Variants in DIAPH2 observed in about 807,000 individuals in gnomAD.
DIAPH2 encodes the protein protein diaphanous homolog 2.
In DIAPH2, 35 loss-of-function variants were observed where a neutral mutation model predicts 92.7. The ratio of observed to expected loss-of-function variants is 0.38; its 90% CI spans 0.29 to 0.50. DIAPH2 has a LOEUF of 0.50. DIAPH2 is among the 20% of genes least tolerant of loss of function. The pLI is 0.94. For missense variants in DIAPH2, 701 were observed against 819.5 expected, an observed-to-expected ratio of 0.86 and a Z score of 1.77; for synonymous variants, 301 against 280.4, an observed-to-expected ratio of 1.07 and a Z score of -0.73.
chrX:97,388,195 CTG>C (rs759533915), intron 25 of DIAPH2, among the ~76,000 whole-genome samples: 2 of 111,692 alleles, frequency 1.8e-5, no homozygotes, highest in Non-Finnish European at 3.8e-5. Flanking sequence ...ACGGTAGGAT[CTG>C]TGTCAGACCT....
chrX:96,804,968 A>G (rs983118708), intron 4 of DIAPH2, among the ~76,000 whole-genome samples: 1 of 110,903 alleles, frequency 9.0e-6, no homozygotes, highest in Admixed American at 9.7e-5. Flanking sequence ...ATAAGGAATG[A>G]GGAGAGCCAC....
chrX:97,342,587 T>A (rs776473170), intron 23 of DIAPH2, among the ~76,000 whole-genome samples: 1 of 112,533 alleles, frequency 8.9e-6, no homozygotes, highest in Admixed American at 9.5e-5. Flanking sequence ...GATTTTCATT[T>A]CTTTTGTTAC....
chrX:97,250,976 A>G (rs1394065194), intron 23 of DIAPH2, among the ~76,000 whole-genome samples: 1 of 111,775 alleles, frequency 8.9e-6, no homozygotes, highest in Non-Finnish European at 1.9e-5. Context: ...CTCTCCTTTG[A>G]ATGGAGTTTC....
intron 22 of DIAPH2, among the ~76,000 whole-genome samples, chrX:97,156,453 A>G (rs1374227013): frequency 1.8e-5 from 2 of 112,463 alleles, no homozygotes; most frequent in Non-Finnish European, 3.7e-5. Flanking sequence ...AAAGACACAT[A>G]TTGCTTAGCC....
intron 19 of DIAPH2, among the ~76,000 whole-genome samples, chrX:97,095,396 G>T (rs1053837461): frequency 9.3e-6 from 1 of 107,846 alleles, no homozygotes; most frequent in East Asian, 2.9e-4. Context: ...GATTACAGGC[G>T]TGAGCCACCG....
At chrX:97,144,246 C>T (rs2067227680) in intron 22 of DIAPH2, among the ~76,000 whole-genome samples, 1 of 110,966 alleles carries the variant, frequency 9.0e-6, no homozygotes, top group African/African-American at 3.3e-5. Flanking sequence ...AAGAGCATTC[C>T]TCGAGCCCAG....
At chrX:97,230,558 T>C (rs1404068808) in intron 22 of DIAPH2, among the ~76,000 whole-genome samples, 1 of 111,670 alleles carries the variant, frequency 9.0e-6, no homozygotes, top group African/African-American at 3.3e-5. Flanking sequence ...CATTTGTATG[T>C]TTTGTTTTGT....
At chrX:96,901,689 C>G (rs1401553901) in intron 5 of DIAPH2, among the ~76,000 whole-genome samples, 2 of 108,198 alleles carry the variant, frequency 1.8e-5, no homozygotes, top group Non-Finnish European at 3.8e-5. Context: ...CATGCACCAC[C>G]ATGCCCAACT....
At chrX:97,175,043 A>G (rs984843344) in intron 22 of DIAPH2, among the ~76,000 whole-genome samples, 3 of 111,966 alleles carry the variant, frequency 2.7e-5, no homozygotes, top group Admixed American at 1.9e-4. Context: ...CCAGTGGATT[A>G]TAATTACCAT....
At chrX:96,974,994 C>G (rs1056471755) in intron 17 of DIAPH2, among the ~76,000 whole-genome samples, 2 of 111,314 alleles carry the variant, frequency 1.8e-5, no homozygotes, top group African/African-American at 6.5e-5. Flanking sequence ...GGAGGAAATA[C>G]AAGAAATAAA....
rs773210944 is a variant in DIAPH2 at position 97,599,261 on chromosome X, C to T, written c.3250C>T (p.Arg1084Ter). 2.5e-6 allele frequency: 3 copies of T among 1,189,679 alleles called. No individual in the cohort carries two copies. Among genetic ancestry groups the T allele is most frequent in the South Asian group, 1.8e-5 (1 of 54,992 alleles). ...TTCTGTTTGTCTTACAGATAACAGACGAGTACCTTTGGAAAGGTCACGCTC... is the reference window on the plus strand; with the variant it reads ...TTCTGTTTGTCTTACAGATAACAGATGAGTACCTTTGGAAAGGTCACGCTC... ...KRIPRNPDNRRVPLERSRSRH... is the reference protein window; with the variant it reads ...KRIPRNPDNR The change falls in exon 27 of 27, where the codon CGA becomes TGA. Residue 1084 changes from arginine (R) to a stop codon, truncating the protein, a stop_gained. Transcript: ENST00000324765. LOFTEE classifies it high-confidence loss of function.
intron 26 of DIAPH2, among the ~76,000 whole-genome samples, chrX:97,597,335 G>A (rs750518084): frequency 8.0e-5 from 9 of 112,240 alleles, no homozygotes; most frequent in Admixed American, 9.4e-5. Flanking sequence ...GTTTTGACCC[G>A]AAACTTTGTT....
intron 23 of DIAPH2, among the ~76,000 whole-genome samples, chrX:97,264,507 G>C (rs894518995): frequency 9.0e-6 from 1 of 111,579 alleles, no homozygotes; most frequent in Non-Finnish European, 1.9e-5. Flanking sequence ...TCATTTTCTT[G>C]CTCACACATA....
chrX:96,785,565 G>A (rs2064450064), intron 4 of DIAPH2, among the ~76,000 whole-genome samples: 3 of 93,146 alleles, frequency 3.2e-5, no homozygotes, highest in Non-Finnish European at 6.1e-5. Flanking sequence ...CTCGCCTCCT[G>A]GGTTCAAGCG....
chrX:96,782,994 A>G (rs995160595), intron 4 of DIAPH2, among the ~76,000 whole-genome samples: 2 of 111,955 alleles, frequency 1.8e-5, no homozygotes, highest in African/African-American at 6.5e-5. Flanking sequence ...ACGTCTCTTA[A>G]AGTATTTTGT....
In DIAPH2 at chrX:97,495,045, A is replaced by G. The variant is rs763637763; in HGVS notation, c.3241+65300A>G. Among the ~76,000 whole-genome samples, 3 of 112,694 alleles carry G rather than the reference A, an allele frequency of 2.7e-5. No homozygotes were observed. The South Asian group carries it at 1.1e-3, about 41-fold the overall frequency. On this transcript the variant is annotated intron_variant, in intron 26 of 26. Coordinates refer to ENST00000324765, the MANE Select transcript of DIAPH2 (RefSeq NM_006729.5). ...CTAGCCCTTCAGGCAGTGCACCAAAAGGCTGGTACATTGGAAGCATTCTCT... is the reference window on the plus strand; with the variant it reads ...CTAGCCCTTCAGGCAGTGCACCAAAGGGCTGGTACATTGGAAGCATTCTCT...
At chrX:97,542,160 A>G (rs1487483109) in intron 26 of DIAPH2, among the ~76,000 whole-genome samples, 2 of 112,513 alleles carry the variant, frequency 1.8e-5, no homozygotes, top group African/African-American at 6.5e-5. Flanking sequence ...TCCGATAGGC[A>G]TGAGATTAAG....
chrX:96,807,471 T>C (rs761659086), intron 4 of DIAPH2, among the ~76,000 whole-genome samples: 16 of 111,767 alleles, frequency 1.4e-4, no homozygotes, highest in Non-Finnish European at 2.8e-4. Flanking sequence ...TTTGATTGGC[T>C]AACGTGGAGC....
At chrX:97,326,836 T>C (rs925576551) in intron 23 of DIAPH2, among the ~76,000 whole-genome samples, 1 of 112,353 alleles carries the variant, frequency 8.9e-6, no homozygotes, top group African/African-American at 3.2e-5. Context: ...GAGCAATGTA[T>C]GAGTTTTTTT....
Sources: allele counts gnomAD v4.1 joint callset (sites outside exome capture counted in the v4.1 genomes callset), GRCh38; gene constraint gnomAD v4.1.1; transcripts MANE v1.5; gene names NCBI Gene and HGNC (gene_info 2026-07-23, HGNC 2026-07-21).